Variants in PALD1 observed in about 807,000 individuals in gnomAD.
PALD1 encodes the protein paladin.
In PALD1, 57 loss-of-function variants were observed where a neutral mutation model predicts 96.0. That is an observed-to-expected ratio of 0.59 (90% CI 0.48 to 0.74). PALD1 has a LOEUF of 0.74. Among genes scored for constraint, PALD1 ranks in the 30% least tolerant of loss-of-function variants. PALD1 has a pLI of 0.00. For missense variants in PALD1, 1,063 were observed against 1,143.7 expected (o/e 0.93, Z 1.02); for synonymous variants, 464 against 473.6 (o/e 0.98, Z 0.26).
In PALD1 at chr10:70,539,285, G is replaced by A. The variant is rs1429844738; in HGVS notation, c.1725+38G>A. 6.4e-7 allele frequency: 1 copy of A among 1,571,026 alleles called. No homozygotes were observed. ...GCCCTCTAGGCACCCCTGCCTCCGA[G>A]GCTTCTGGGGAGTGGCCTGGGAGGG... On this transcript the variant is annotated intron_variant, in intron 14 of 19. Coordinates refer to ENST00000263563, the MANE Select transcript of PALD1 (RefSeq NM_014431.3). The surrounding 1 kb of genome is among the most constrained non-coding windows in gnomAD (Gnocchi z 4.5).
intron 1 of PALD1, among the ~76,000 whole-genome samples, chr10:70,525,277 G>T (rs747496482): frequency 6.6e-6 from 1 of 151,964 alleles, no homozygotes; most frequent in Admixed American, 6.6e-5. Context: ...CTCCCAAAGT[G>T]CTGGGATTAT....
At chr10:70,493,043 C>T (rs765694043) in intron 1 of PALD1, among the ~76,000 whole-genome samples, 23 of 152,114 alleles carry the variant, frequency 1.5e-4, no homozygotes, top group African/African-American at 4.8e-4. Flanking sequence ...GTAATCGGTG[C>T]GAGCTACAGG....
intron 1 of PALD1, among the ~76,000 whole-genome samples, chr10:70,509,230 G>C (rs1846465882): frequency 6.6e-6 from 1 of 152,188 alleles, no homozygotes. Context: ...GGGAAAGCTG[G>C]GGTGGCTTCA....
chr10:70,477,205 GGAA>G (rs530948854), upstream of PALD1, among the ~76,000 whole-genome samples: 12 of 152,152 alleles, frequency 7.9e-5, no homozygotes, highest in Non-Finnish European at 1.5e-4. Flanking sequence ...TGTGGCAAGA[GGAA>G]GAAGGAAGGA....
At chr10:70,466,897 T>C in the PALD1 span, among the ~76,000 whole-genome samples, 2 of 152,164 alleles carry the variant, frequency 1.3e-5, no homozygotes, top group East Asian at 3.9e-4. Context: ...CTTTCCTTCC[T>C]TCCACAGCCA....
At chr10:70,501,838 T>TGTGTGC (rs57837334) in intron 1 of PALD1, among the ~76,000 whole-genome samples, 1 of 150,330 alleles carries the variant, frequency 6.7e-6, no homozygotes, top group African/African-American at 2.5e-5. Flanking sequence ...TGTGTGTGCG[T>TGTGTGC]GCGTGCATGC....
chr10:70,463,483 C>T, the PALD1 span, among the ~76,000 whole-genome samples: 10 of 151,754 alleles, frequency 6.6e-5, no homozygotes, highest in Non-Finnish European at 1.2e-4. Flanking sequence ...GTGAGAGGAG[C>T]GTAAAGTCTC....
chr10:70,533,860 C>T (rs2132377162), intron 7 of PALD1, 62 bp from the exon 8 acceptor site: 2 of 1,435,416 alleles, frequency 1.4e-6, no homozygotes, highest in Non-Finnish European at 1.9e-6. Context: ...TTTCTCCCTG[C>T]TCAGGCCTCA....
At chr10:70,564,067 A>C (rs1056097897) in intron 18 of PALD1, among the ~76,000 whole-genome samples, 6 of 152,076 alleles carry the variant, frequency 3.9e-5, no homozygotes, top group African/African-American at 1.4e-4. Context: ...ATCTACAATG[A>C]GCTCTCCTGC....
intron 1 of PALD1, among the ~76,000 whole-genome samples, chr10:70,518,983 G>A (rs141059027): frequency 6.6e-6 from 1 of 152,376 alleles, no homozygotes; most frequent in Non-Finnish European, 1.5e-5. Context: ...GGAGCCTTGG[G>A]TCTGGAGAAA....
intron 9 of PALD1, 90 bp from the exon 10 acceptor site, chr10:70,534,649 C>A: frequency 8.5e-7 from 1 of 1,179,278 alleles, no homozygotes; most frequent in Non-Finnish European, 1.2e-6. Flanking sequence ...TTTTCTTTCC[C>A]TCTCTTTTCT....
At chr10:70,479,285 C>G (rs1428657485) in intron 1 of PALD1, among the ~76,000 whole-genome samples, 2 of 152,204 alleles carry the variant, frequency 1.3e-5, no homozygotes, top group Non-Finnish European at 2.9e-5. Context: ...GGGCTACCCC[C>G]TCTCCCGAGT....
chr10:70,503,421 A>G (rs1846332830), intron 1 of PALD1, among the ~76,000 whole-genome samples: 1 of 152,142 alleles, frequency 6.6e-6, no homozygotes, highest in Admixed American at 6.5e-5. Context: ...GGATCACCTT[A>G]GGTCAGGAGT....
At chr10:70,483,722 C>T (rs1845971546) in intron 1 of PALD1, among the ~76,000 whole-genome samples, 2 of 152,206 alleles carry the variant, frequency 1.3e-5, no homozygotes, top group African/African-American at 4.8e-5. Flanking sequence ...TTCGAAGATT[C>T]TGTTTGGAAA....
intron 1 of PALD1, among the ~76,000 whole-genome samples, chr10:70,513,335 A>AT (rs1451672012): frequency 6.0e-5 from 9 of 150,970 alleles, no homozygotes; most frequent in African/African-American, 7.4e-5. Flanking sequence ...TCTCTGCAAA[A>AT]AAAATAAATA....
At chr10:70,469,116 C>G in the PALD1 span, among the ~76,000 whole-genome samples, 1 of 152,160 alleles carries the variant, frequency 6.6e-6, no homozygotes, top group African/African-American at 2.4e-5. Context: ...GGGGCCTCTG[C>G]CAGCTGGAGT....
intron 5 of PALD1, 143 bp downstream of exon 5, chr10:70,531,597 C>T (rs1846992519): frequency 2.7e-6 from 2 of 739,108 alleles, no homozygotes. Context: ...GGCTGCAAGG[C>T]TGACTCACGG....
chr10:70,515,128 G>A lies in PALD1; in HGVS notation c.-29-10795G>A, dbSNP rs1846593262. Among the ~76,000 whole-genome samples the A allele has an allele frequency of 1.3e-5, 2 of 152,156 alleles. 1 individual carries two copies. The highest frequency in any genetic ancestry group is 1.3e-4 in the Admixed American group (2 of 15,272). ...AGACAGGGTGGGGAGGTAAAGTGAT[G>A]GAGAGACTCTGCCCTGCCCTCTTGG... On this transcript the variant is annotated intron_variant, in intron 1 of 19. Coordinates refer to ENST00000263563, the MANE Select transcript of PALD1 (RefSeq NM_014431.3).
chr10:70,548,101 T>TC (rs1847405254), intron 18 of PALD1, among the ~76,000 whole-genome samples: 1 of 151,434 alleles, frequency 6.6e-6, no homozygotes, highest in African/African-American at 2.4e-5. Flanking sequence ...AGGTCAGGAG[T>TC]CAGAGACCAG....
Sources: gnomAD v4.1 joint callset for allele counts (sites outside exome capture counted in the v4.1 genomes callset) on GRCh38, gnomAD v4.1.1 for gene constraint, Gnocchi (gnomAD v3.1) non-coding constraint, MANE v1.5 for transcripts, NCBI Gene and HGNC (gene_info 2026-07-23, HGNC 2026-07-21) for gene names.